CPNE8: variants seen among roughly 807,000 people sequenced by gnomAD.
CPNE8 encodes the protein copine-8.
CPNE8 carries 45 observed loss-of-function variants against 81.5 expected under a neutral mutation model. The ratio of observed to expected loss-of-function variants is 0.55; its 90% CI spans 0.44 to 0.71. The LOEUF (loss-of-function observed/expected upper bound fraction) is 0.71. Among genes scored for constraint, CPNE8 ranks in the 30% least tolerant of loss-of-function variants. The pLI, the probability that CPNE8 is intolerant of heterozygous loss-of-function variation, is 0.00. For missense variants in CPNE8, 594 were observed against 672.1 expected, an observed-to-expected ratio of 0.88 and a Z score of 1.28; for synonymous variants, 252 against 226.3, an observed-to-expected ratio of 1.11 and a Z score of -1.02.
intron 7 of CPNE8, among the ~76,000 whole-genome samples, chr12:38,771,017 G>A (rs944195591): frequency 2.0e-5 from 3 of 152,140 alleles, no homozygotes; most frequent in African/African-American, 2.4e-5. Context: ...GGGGGTTGTG[G>A]TGTTGTGTTT....
intron 5 of CPNE8, among the ~76,000 whole-genome samples, chr12:38,830,689 A>G (rs181734818): frequency 6.6e-6 from 1 of 152,344 alleles, no homozygotes; most frequent in East Asian, 1.9e-4. Context: ...TATACTAAAT[A>G]AACAAATCTA....
chr12:38,798,095 G>A (rs895406363), intron 6 of CPNE8, among the ~76,000 whole-genome samples: 2 of 152,144 alleles, frequency 1.3e-5, no homozygotes, highest in Admixed American at 6.5e-5. Context: ...AAAGTGACAG[G>A]GAGAATGGAA....
rs1198626405 is a variant in CPNE8 at position 38,685,637 on chromosome 12, A to T, written c.1144-20T>A. ...CCCATTCTGTAGAAATTTATAGGCA[A>T]AACAAAACAAAACAACAGTAAAAAA... is the stretch of plus-strand genomic sequence containing the variant. On this transcript the variant is annotated intron_variant, in intron 15 of 19. Coordinates refer to ENST00000331366, the MANE Select transcript of CPNE8 (RefSeq NM_153634.3). The T allele has an allele frequency of 6.3e-7, 1 of 1,598,650 alleles. No individual in the cohort carries two copies.
At chr12:38,773,768 A>G (rs1265399638) in intron 7 of CPNE8, among the ~76,000 whole-genome samples, 1 of 152,116 alleles carries the variant, frequency 6.6e-6, no homozygotes, top group Non-Finnish European at 1.5e-5. Context: ...AAAAGCATTG[A>G]TTCTTCTGAA....
At chr12:38,767,518 TA>T in intron 8 of CPNE8, 116 bp downstream of exon 8, 1 of 601,024 alleles carries the variant, frequency 1.7e-6, no homozygotes, top group Non-Finnish European at 2.7e-6. Context: ...TATCAATTTT[TA>T]AAATCTCAAA....
chr12:38,669,914 A>G (rs572729911), intron 19 of CPNE8, among the ~76,000 whole-genome samples: 212 of 152,258 alleles, frequency 1.4e-3, no homozygotes, highest in African/African-American at 4.9e-3. Context: ...CCAGGTAAGC[A>G]CAACAAAGAG....
chr12:38,760,673 G>A (rs182923854), intron 10 of CPNE8, among the ~76,000 whole-genome samples, 174 bp downstream of exon 10: 1,977 of 151,952 alleles, frequency 0.013, 29 homozygotes, highest in South Asian at 0.042. Flanking sequence ...TTTTCATCTC[G>A]AGGTTGGAGA....
intron 16 of CPNE8, among the ~76,000 whole-genome samples, chr12:38,684,163 CTTTA>C (rs1939476196): frequency 1.3e-5 from 2 of 152,062 alleles, no homozygotes; most frequent in Admixed American, 6.6e-5. Context: ...TTATATTCTG[CTTTA>C]TTTGACTGCC....
intron 1 of CPNE8, among the ~76,000 whole-genome samples, chr12:38,880,007 GAAATATAGTTTGT>G (rs1458474412): frequency 1.3e-5 from 2 of 152,090 alleles, no homozygotes; most frequent in Non-Finnish European, 2.9e-5. Context: ...AACAGGAATG[GAAATATAGTTTGT>G]AAATAGAGCC....
intron 1 of CPNE8, among the ~76,000 whole-genome samples, chr12:38,884,641 T>G (rs1366376510): frequency 5.9e-5 from 9 of 152,212 alleles, no homozygotes; most frequent in Non-Finnish European, 1.3e-4. Context: ...TTATATTACA[T>G]TCCTACCAGC....
intron 10 of CPNE8, among the ~76,000 whole-genome samples, chr12:38,756,797 T>C (rs1195997545): frequency 6.6e-6 from 1 of 152,248 alleles, no homozygotes; most frequent in Non-Finnish European, 1.5e-5. Context: ...GTCTACGTAG[T>C]ACCAACCAAT....
chr12:38,863,608 C>A (rs367752579), intron 3 of CPNE8, among the ~76,000 whole-genome samples: 2 of 152,146 alleles, frequency 1.3e-5, no homozygotes, highest in African/African-American at 4.8e-5. Context: ...AAAGACAATA[C>A]ATTATTATTC....
At chr12:38,659,629 T>C (rs1174338872) in intron 19 of CPNE8, among the ~76,000 whole-genome samples, 4 of 152,194 alleles carry the variant, frequency 2.6e-5, no homozygotes, top group South Asian at 2.1e-4. Flanking sequence ...TATTCCAAAA[T>C]TGACCACAGA....
chr12:38,835,509 G>A (rs1447271277), intron 5 of CPNE8, among the ~76,000 whole-genome samples: 3 of 152,134 alleles, frequency 2.0e-5, no homozygotes, highest in African/African-American at 7.2e-5. Context: ...GCTGCTTTAG[G>A]AGAGAGGCCT....
At chr12:38,692,821 C>T (rs997578280) in intron 15 of CPNE8, among the ~76,000 whole-genome samples, 2 of 152,186 alleles carry the variant, frequency 1.3e-5, no homozygotes, top group Non-Finnish European at 2.9e-5. Flanking sequence ...GTTAATTCCT[C>T]TACCTTGAAC....
intron 6 of CPNE8, among the ~76,000 whole-genome samples, chr12:38,812,379 C>T (rs1942952138): frequency 6.6e-6 from 1 of 152,148 alleles, no homozygotes; most frequent in Non-Finnish European, 1.5e-5. Flanking sequence ...TTCAGCATGG[C>T]TGGAGAGGCC....
intron 13 of CPNE8, among the ~76,000 whole-genome samples, chr12:38,709,615 C>T (rs1940198774): frequency 6.6e-6 from 1 of 152,124 alleles, no homozygotes; most frequent in Admixed American, 6.6e-5. Flanking sequence ...GTAGATGACT[C>T]ATTATTATCA....
chr12:38,690,325 A>G lies in CPNE8; in HGVS notation c.1143+3332T>C, dbSNP rs184520579. On this transcript the variant is annotated intron_variant, in intron 15 of 19. Coordinates refer to ENST00000331366, the MANE Select transcript of CPNE8 (RefSeq NM_153634.3). ...GAGCTTAACACAGAATACTTCAGCAAGAATGAAATCAAATACTATCTCACT... is the reference window on the plus strand; with the variant it reads ...GAGCTTAACACAGAATACTTCAGCAGGAATGAAATCAAATACTATCTCACT... Among the ~76,000 whole-genome samples, 158 of 152,362 alleles carry G rather than the reference A, an allele frequency of 1.0e-3. 1 individual carries two copies. The highest frequency in any genetic ancestry group is 3.5e-3 in the African/African-American group (146 of 41,592).
intron 19 of CPNE8, among the ~76,000 whole-genome samples, chr12:38,660,224 G>A (rs1434326140): frequency 6.6e-6 from 1 of 152,134 alleles, no homozygotes; most frequent in Non-Finnish European, 1.5e-5. Context: ...ATACTACAAG[G>A]CTACAGTAAC....
Sources: allele counts gnomAD v4.1 joint callset (sites outside exome capture counted in the v4.1 genomes callset), GRCh38; gene constraint gnomAD v4.1.1; transcripts MANE v1.5; gene names NCBI Gene and HGNC (gene_info 2026-07-23, HGNC 2026-07-21).